TSHZ2: variants seen among roughly 807,000 people sequenced by gnomAD.
TSHZ2 encodes teashirt zinc finger homeobox 2, also known as teashirt homolog 2.
A neutral mutation model predicts 74.4 loss-of-function variants in TSHZ2; 21 were observed. That is an observed-to-expected ratio of 0.28 (90% CI 0.20 to 0.41). The LOEUF is 0.41. Ranked by LOEUF, TSHZ2 falls within the 10% of genes least tolerant of loss-of-function variation. The pLI, the probability that TSHZ2 is intolerant of heterozygous loss-of-function variation, is 1.00. For missense variants in TSHZ2, 1,244 were observed against 1,293.5 expected (o/e 0.96, Z 0.59); for synonymous variants, 540 against 515.3 (o/e 1.05, Z -0.65).
chr20:53,232,694 C>T (rs1049154018), intron 1 of TSHZ2, among the ~76,000 whole-genome samples: 3 of 152,180 alleles, frequency 2.0e-5, no homozygotes, highest in Non-Finnish European at 4.4e-5. Context: ...GGCACCACTG[C>T]ACTCCAGCCT....
At chr20:52,992,108 G>C (rs1345198531) in intron 1 of TSHZ2, among the ~76,000 whole-genome samples, 2 of 152,146 alleles carry the variant, frequency 1.3e-5, no homozygotes, top group South Asian at 4.1e-4. Flanking sequence ...AGTACTGGAA[G>C]CTCCACACCC....
At chr20:53,459,286 C>G (rs112526947) in intron 2 of TSHZ2, among the ~76,000 whole-genome samples, 102 of 152,212 alleles carry the variant, frequency 6.7e-4, no homozygotes, top group East Asian at 2.1e-3. Flanking sequence ...TCTTCTTGTT[C>G]AATTGATCCC....
At chr20:53,137,679 A>G (rs1364032807) in intron 1 of TSHZ2, among the ~76,000 whole-genome samples, 1 of 152,096 alleles carries the variant, frequency 6.6e-6, no homozygotes, top group Non-Finnish European at 1.5e-5. Context: ...AGACACATTC[A>G]TATCATCGCC....
intron 1 of TSHZ2, among the ~76,000 whole-genome samples, chr20:53,071,731 T>A (rs1985180850): frequency 6.6e-6 from 1 of 152,162 alleles, no homozygotes; most frequent in Admixed American, 6.5e-5. Context: ...TTTTATTGCT[T>A]ATCCAAGATC....
intron 1 of TSHZ2, among the ~76,000 whole-genome samples, chr20:53,176,559 C>T (rs2801010): frequency 0.062 from 9,463 of 152,130 alleles, 354 homozygotes; most frequent in Non-Finnish European, 0.077. Context: ...AGTTGGTGAC[C>T]GGTACTGGTG....
intron 1 of TSHZ2, among the ~76,000 whole-genome samples, chr20:53,231,911 G>T (rs188288979): frequency 1.8e-4 from 28 of 152,188 alleles, no homozygotes; most frequent in African/African-American, 6.5e-4. Flanking sequence ...CTAGAGGAGG[G>T]TCTTGCTCTG....
chr20:53,472,558 G>C (rs1443461472), intron 2 of TSHZ2, among the ~76,000 whole-genome samples: 1 of 152,156 alleles, frequency 6.6e-6, no homozygotes, highest in Non-Finnish European at 1.5e-5. Context: ...TGGATGTTCA[G>C]ATCTGGAACT....
At chr20:53,093,696 ACT>A (rs1985955061) in intron 1 of TSHZ2, among the ~76,000 whole-genome samples, 1 of 151,968 alleles carries the variant, frequency 6.6e-6, no homozygotes, top group South Asian at 2.1e-4. Context: ...TTTTCTCATA[ACT>A]CTCAGCAAAA....
At chr20:53,081,417 G>A (rs746760889) in intron 1 of TSHZ2, among the ~76,000 whole-genome samples, 2 of 152,154 alleles carry the variant, frequency 1.3e-5, no homozygotes, top group African/African-American at 4.8e-5. Context: ...GTGTGACTTC[G>A]TCCTTGAGAA....
At chr20:53,484,987 C>T (rs905020430) in intron 2 of TSHZ2, among the ~76,000 whole-genome samples, 1 of 152,106 alleles carries the variant, frequency 6.6e-6, no homozygotes, top group African/African-American at 2.4e-5. Flanking sequence ...TGAACATTAC[C>T]ACCAAATAAC....
At chr20:53,359,240 T>A (rs1980963613) in intron 2 of TSHZ2, among the ~76,000 whole-genome samples, 1 of 152,122 alleles carries the variant, frequency 6.6e-6, no homozygotes, top group South Asian at 2.1e-4. Context: ...CCTTCATTCA[T>A]AAAAAGGGTG....
In TSHZ2 at chr20:53,457,038, C is replaced by A. The variant is rs377653563; in HGVS notation, c.*9-30106C>A. On this transcript the variant is annotated intron_variant, in intron 2 of 2. Transcript: ENST00000371497. ...TTGGCTTAGGATTGCCTTGGCGATG[C>A]GGGCTCTTTTTTGGTTCCATATGAA... Among the ~76,000 whole-genome samples, 172 of 72,786 alleles carry A rather than the reference C, an allele frequency of 2.4e-3. 6 individuals are homozygous for A. In the East Asian group the frequency reaches 0.06, roughly 25 times the overall value. The allele number at this position is 72,786 out of a possible 152,430, so 47.8% of individuals were successfully genotyped here. A position where few individuals can be genotyped will look rare whatever the true frequency, so the allele number is the denominator to read the frequency against.
At chr20:53,146,607 G>A (rs573662903) in intron 1 of TSHZ2, among the ~76,000 whole-genome samples, 4 of 152,194 alleles carry the variant, frequency 2.6e-5, no homozygotes, top group Non-Finnish European at 5.9e-5. Flanking sequence ...TTTTATATTT[G>A]AGGATGTGTA....
intron 2 of TSHZ2, among the ~76,000 whole-genome samples, chr20:53,257,454 C>G (rs1990508027): frequency 1.3e-5 from 2 of 152,176 alleles, no homozygotes; most frequent in Admixed American, 6.5e-5. Flanking sequence ...AGTTCCATGC[C>G]TTATATAGTC....
intron 1 of TSHZ2, among the ~76,000 whole-genome samples, chr20:53,102,522 A>G (rs893128199): frequency 6.6e-6 from 1 of 151,822 alleles, no homozygotes; most frequent in Non-Finnish European, 1.5e-5. Context: ...AGGGGAGGAA[A>G]AAGGAATACT....
intron 1 of TSHZ2, among the ~76,000 whole-genome samples, chr20:53,099,008 G>A (rs2186057): frequency 0.25 from 38,167 of 151,982 alleles, 5,160 homozygotes; most frequent in East Asian, 0.42. Flanking sequence ...ATGAGTCTTT[G>A]CCTAGGTGCT....
chr20:53,038,459 C>G (rs995488257), intron 1 of TSHZ2, among the ~76,000 whole-genome samples: 1 of 152,062 alleles, frequency 6.6e-6, no homozygotes, highest in South Asian at 2.1e-4. Context: ...ATGATGAATG[C>G]CTTTCCTGCT....
chr20:53,368,257 C>T (rs986415852), intron 2 of TSHZ2, among the ~76,000 whole-genome samples: 7 of 151,440 alleles, frequency 4.6e-5, no homozygotes, highest in African/African-American at 1.7e-4. Context: ...TAAACCAAAC[C>T]AAAATACCAA....
At position 53,385,419 on chromosome 20, in the gene TSHZ2, T is replaced by C. The variant is rs74931339; in HGVS notation, c.*9-101725T>C. 1.0e-3 allele frequency among the ~76,000 whole-genome samples: 154 copies of C among 152,160 alleles called. 1 individual carries two copies. The highest frequency in any genetic ancestry group is 3.6e-3 in the African/African-American group (148 of 41,550). ...ACAGAAAGAAAAAGGCTAATGGAGA[T>C]ACTGGGGCGCCCCAAAGGATCACTC... On this transcript the variant is annotated intron_variant, in intron 2 of 2. Coordinates refer to ENST00000371497, the MANE Select transcript of TSHZ2 (RefSeq NM_173485.6).
Sources: gnomAD v4.1 joint callset for allele counts (sites outside exome capture counted in the v4.1 genomes callset) on GRCh38, gnomAD v4.1.1 for gene constraint, MANE v1.5 for transcripts, NCBI Gene and HGNC (gene_info 2026-07-23, HGNC 2026-07-21) for gene names.